ERMP1: variants seen among roughly 807,000 people sequenced by gnomAD.
The protein encoded by ERMP1 is endoplasmic reticulum metallopeptidase 1, also known as Felix-ina.
In ERMP1, 86 loss-of-function variants were observed where a neutral mutation model predicts 92.0. The ratio of observed to expected loss-of-function variants is 0.93; its 90% confidence interval spans 0.79 to 1.12. The LOEUF is 1.12. Among genes scored for constraint, ERMP1 ranks in the 50% most tolerant of loss-of-function variants. The probability of loss-of-function intolerance (pLI) is 0.00; values close to 1 mark genes in which losing one functional copy is unlikely to be tolerated. For synonymous variants in ERMP1, 530 were observed against 412.8 expected, an observed-to-expected ratio of 1.28 and a Z score of -3.44; for missense variants, 1,342 against 1,116.3, an observed-to-expected ratio of 1.20 and a Z score of -2.88.
chr9:5,811,533 G>C (rs771391825), intron 6 of ERMP1, among the ~76,000 whole-genome samples: 3 of 152,086 alleles, frequency 2.0e-5, no homozygotes, highest in Non-Finnish European at 1.5e-5. Context: ...TCTCAAATAA[G>C]GTCCATCCCC....
At chr9:5,812,406 A>T (rs530110355) in intron 5 of ERMP1, among the ~76,000 whole-genome samples, 189 bp from the exon 6 acceptor site, 1 of 152,322 alleles carries the variant, frequency 6.6e-6, no homozygotes, top group South Asian at 2.1e-4. Context: ...TTTGGTACAT[A>T]ATTCGATACA....
intron 6 of ERMP1, among the ~76,000 whole-genome samples, chr9:5,839,477 C>T (rs1830131849): frequency 6.6e-6 from 1 of 152,188 alleles, no homozygotes; most frequent in African/African-American, 2.4e-5. Flanking sequence ...CAGGAGGTGA[C>T]TCAGCAGTTT....
chr9:5,816,469 G>A (rs1225876968), intron 4 of ERMP1, among the ~76,000 whole-genome samples: 1 of 152,088 alleles, frequency 6.6e-6, no homozygotes, highest in Non-Finnish European at 1.5e-5. Context: ...AACTTGGTTG[G>A]AAAGTATTAT....
intron 4 of ERMP1, among the ~76,000 whole-genome samples, chr9:5,817,698 A>C (rs992176703): frequency 3.3e-5 from 5 of 152,202 alleles, no homozygotes; most frequent in Admixed American, 6.5e-5. Context: ...GAGTATGGGC[A>C]TGCGTAACGT....
chr9:5,832,419 C>T, intron 1 of ERMP1: 1 of 418,330 alleles, frequency 2.4e-6, no homozygotes, highest in East Asian at 3.8e-5. Flanking sequence ...ACCATCTGCA[C>T]GAAGGGCAGA....
chr9:5,833,129 G>A (rs1408273763), upstream of ERMP1: 5 of 1,088,710 alleles, frequency 4.6e-6, no homozygotes, highest in Non-Finnish European at 6.2e-6. Flanking sequence ...GTGAGCGGAC[G>A]GAAACTGCAG....
At chr9:5,807,333 C>G (rs1035102730) in intron 8 of ERMP1, among the ~76,000 whole-genome samples, 7 of 152,328 alleles carry the variant, frequency 4.6e-5, no homozygotes, top group African/African-American at 1.7e-4. Context: ...ATTGGACTAC[C>G]TCCTTGTCTT....
chr9:5,827,730 T>C (rs1264077676), intron 2 of ERMP1, among the ~76,000 whole-genome samples: 1 of 151,326 alleles, frequency 6.6e-6, no homozygotes, highest in Non-Finnish European at 1.5e-5. Flanking sequence ...GGCAGGAGAA[T>C]GGCATGAACC....
At chr9:5,843,622 G>A (rs1280173176) in intron 6 of ERMP1, among the ~76,000 whole-genome samples, 1 of 152,178 alleles carries the variant, frequency 6.6e-6, no homozygotes, top group African/African-American at 2.4e-5. Context: ...TGAGAGGTCA[G>A]TCTTGTCAAA....
intron 6 of ERMP1, among the ~76,000 whole-genome samples, chr9:5,857,777 T>G (rs35352386): frequency 0.046 from 6,974 of 152,316 alleles, 209 homozygotes; most frequent in Middle Eastern, 0.14. Flanking sequence ...ATCTGCCTAT[T>G]TTATAAGACA....
At chr9:5,857,998 G>A (rs6477007) in intron 6 of ERMP1, among the ~76,000 whole-genome samples, 86,980 of 152,042 alleles carry the variant, frequency 0.57, 25,744 homozygotes, top group South Asian at 0.69. Context: ...TGCCCAGGAT[G>A]TGGCAGGTCC....
At chr9:5,824,562 C>G (rs1318072716) in intron 3 of ERMP1, among the ~76,000 whole-genome samples, 1 of 152,136 alleles carries the variant, frequency 6.6e-6, no homozygotes, top group Non-Finnish European at 1.5e-5. Context: ...ACCACCACGC[C>G]TGGCTAATTT....
At chr9:5,842,484 T>C (rs1014929265) in intron 6 of ERMP1, among the ~76,000 whole-genome samples, 3 of 151,922 alleles carry the variant, frequency 2.0e-5, no homozygotes, top group Non-Finnish European at 4.4e-5. Context: ...AGAAAATGTT[T>C]TGGAACTAGA....
intron 4 of ERMP1, among the ~76,000 whole-genome samples, chr9:5,819,211 C>G (rs1829433443): frequency 6.6e-6 from 1 of 152,024 alleles, no homozygotes; most frequent in Non-Finnish European, 1.5e-5. Context: ...ATAATACATC[C>G]ATACAATGGG....
Position 5,799,010 on chromosome 9 carries a change from TG to T in ERMP1, c.2068-3del. 1 of 1,606,400 alleles carries T rather than the reference TG, an allele frequency of 6.2e-7. No homozygotes were observed. The highest frequency in any genetic ancestry group is 8.5e-7 in the Non-Finnish European group (1 of 1,176,806). On this transcript the variant is annotated splice_region_variant and splice_polypyrimidine_tract_variant and intron_variant, in intron 11 of 14. Transcript: ENST00000339450. ...GTCATGGAATGTTCTAGTCATATGC[TG>T]AAAAAAAAAGACTAGTGAAAAAACT...
chr9:5,824,101 A>G, intron 3 of ERMP1, 100 bp from the exon 4 acceptor site: 1 of 835,268 alleles, frequency 1.2e-6, no homozygotes, highest in African/African-American at 1.7e-5. Context: ...TGAGGTAAGG[A>G]ATATGAAAAC....
At chr9:5,827,321 A>C (rs1418032366) in intron 2 of ERMP1, among the ~76,000 whole-genome samples, 1 of 152,220 alleles carries the variant, frequency 6.6e-6, no homozygotes, top group Non-Finnish European at 1.5e-5. Context: ...TGGGCCACAT[A>C]TAAAAGACAC....
At chr9:5,793,301 G>A (rs1001875453) in intron 13 of ERMP1, among the ~76,000 whole-genome samples, 2 of 151,802 alleles carry the variant, frequency 1.3e-5, no homozygotes, top group African/African-American at 4.8e-5. Context: ...TAACTGACAT[G>A]CTAAGAAAGG....
intron 6 of ERMP1, among the ~76,000 whole-genome samples, chr9:5,850,405 CAAAAA>C (rs59464514): frequency 7.4e-5 from 3 of 40,598 alleles, no homozygotes; most frequent in Non-Finnish European, 1.2e-4. Flanking sequence ...AACTCCGTCT[CAAAAA>C]AAAAAAAAAA....
Sources: gnomAD v4.1 joint callset for allele counts (sites outside exome capture counted in the v4.1 genomes callset) on GRCh38, gnomAD v4.1.1 for gene constraint, MANE v1.5 for transcripts, NCBI Gene and HGNC (gene_info 2026-07-23, HGNC 2026-07-21) for gene names.